Variants in TAF4B observed in about 807,000 individuals in gnomAD.
TAF4B encodes the protein transcription initiation factor TFIID subunit 4B.
Under a neutral mutation model 86.4 loss-of-function variants are expected in TAF4B, and 38 were observed. The ratio of observed to expected loss-of-function variants is 0.44; its 90% CI spans 0.34 to 0.58. TAF4B has a LOEUF of 0.58. TAF4B is among the 20% of genes least tolerant of loss of function. The pLI is 0.02. For synonymous variants in TAF4B, 388 were observed against 391.2 expected, an observed-to-expected ratio of 0.99 and a Z score of 0.10; for missense variants, 988 against 1,027.6, an observed-to-expected ratio of 0.96 and a Z score of 0.53.
At chr18:26,373,436 C>G (rs577323390) in intron 14 of TAF4B, among the ~76,000 whole-genome samples, 24 of 152,096 alleles carry the variant, frequency 1.6e-4, no homozygotes, top group Non-Finnish European at 3.4e-4. Flanking sequence ...TAGTTCCTGC[C>G]TTCCTCTTTA....
In TAF4B at chr18:26,295,124, T is replaced by C. The variant is rs150076300; in HGVS notation, c.1832+1593T>C. Reference sequence around the variant, plus strand: ...TTTAACTGCATAATTTATATATATATTTCAATATAATATTTGTATAAAATT... The same window carrying C: ...TTTAACTGCATAATTTATATATATACTTCAATATAATATTTGTATAAAATT... On this transcript the variant is annotated intron_variant, in intron 9 of 14. Coordinates refer to ENST00000269142, the MANE Select transcript of TAF4B (RefSeq NM_005640.3). 302 of 233,546 alleles carry C rather than the reference T, an allele frequency of 1.3e-3. 1 individual carries two copies. Among genetic ancestry groups the C allele is most frequent in the African/African-American group, 6.9e-3 (293 of 42,618 alleles). The allele number at this position is 233,546 out of a possible 1,614,324, so 14.5% of individuals were successfully genotyped here.
intron 3 of TAF4B, among the ~76,000 whole-genome samples, chr18:26,271,443 T>G (rs2144556167): frequency 6.6e-6 from 1 of 152,358 alleles, no homozygotes; most frequent in African/African-American, 2.4e-5. Flanking sequence ...TTTCATCTTC[T>G]AAATTTCCAT....
At chr18:26,229,494 C>CTTT (rs34261854) in intron 1 of TAF4B, among the ~76,000 whole-genome samples, 465 of 129,116 alleles carry the variant, frequency 3.6e-3, no homozygotes, top group Non-Finnish European at 5.2e-3. Flanking sequence ...TTCTTTCTTT[C>CTTT]TTTTTTTTTT....
rs145508177 is a variant in TAF4B, at chr18:26,382,986, A to G, written c.2422-6859A>G. On this transcript the variant is annotated intron_variant, in intron 14 of 14. Coordinates refer to ENST00000269142, the MANE Select transcript of TAF4B (RefSeq NM_005640.3). ...CCAAAAGAACTTAGATGATGTGGCAATAAGGATAGGATCAGTGGAGTTCAG... is the reference window on the plus strand; with the variant it reads ...CCAAAAGAACTTAGATGATGTGGCAGTAAGGATAGGATCAGTGGAGTTCAG... 3.0e-3 allele frequency among the ~76,000 whole-genome samples: 456 copies of G among 152,322 alleles called. 3 individuals carry two copies. Among genetic ancestry groups the G allele is most frequent in the Non-Finnish European group, 5.0e-3 (338 of 68,006 alleles).
chr18:26,248,805 G>A (rs1379672479), intron 1 of TAF4B, among the ~76,000 whole-genome samples: 10 of 103,366 alleles, frequency 9.7e-5, no homozygotes, highest in African/African-American at 3.3e-4. Flanking sequence ...GATTACAGGC[G>A]TGAGCGACTG....
chr18:26,349,860 T>TA (rs2057230235), intron 13 of TAF4B, among the ~76,000 whole-genome samples: 2 of 152,184 alleles, frequency 1.3e-5, no homozygotes, highest in South Asian at 4.2e-4. Context: ...AACAAAAACA[T>TA]AAACATAGAC....
At chr18:26,356,844 A>G (rs1248574093) in intron 13 of TAF4B, among the ~76,000 whole-genome samples, 1 of 149,826 alleles carries the variant, frequency 6.7e-6, no homozygotes, top group East Asian at 1.9e-4. Flanking sequence ...AGTTGCCTCA[A>G]TGAAATAATG....
In TAF4B at chr18:26,346,773, A is replaced by ATATATATG. The variant is rs1404902479; in HGVS notation, c.2317-10916_2317-10915insATATATGT. Among the ~76,000 whole-genome samples, 19 of 24,116 alleles carry ATATATATG rather than the reference A, an allele frequency of 7.9e-4. 8 individuals carry two copies. In the East Asian group the frequency reaches 0.014, roughly 18 times the overall value. The allele number at this position is 24,116 out of a possible 152,430, so 15.8% of individuals were successfully genotyped here. A position where few individuals can be genotyped will look rare whatever the true frequency, so the allele number is the denominator to read the frequency against. On this transcript the variant is annotated intron_variant, in intron 13 of 14. Coordinates refer to ENST00000269142, the MANE Select transcript of TAF4B (RefSeq NM_005640.3). ...TATATATGTGTGTATATATATATATATGTGTGTGTATATATATATATATAT... is the reference window on the plus strand; with the variant it reads ...TATATATGTGTGTATATATATATATATATATATGTGTGTGTGTATATATATATATATAT...
intron 9 of TAF4B, chr18:26,304,827 G>C (rs1053259460): frequency 1.0e-6 from 1 of 985,282 alleles, no homozygotes. Context: ...TTGCTCCTCA[G>C]TAAATCTAGT....
chr18:26,275,119 T>C, intron 5 of TAF4B, 66 bp downstream of exon 5: 1 of 1,454,644 alleles, frequency 6.9e-7, no homozygotes. Flanking sequence ...AATTGGGAAA[T>C]GCATATTTTT....
rs528727813 is a variant in TAF4B, at chr18:26,344,836, C to T, written c.2316+9605C>T. On this transcript the variant is annotated intron_variant, in intron 13 of 14. Coordinates refer to ENST00000269142, the MANE Select transcript of TAF4B (RefSeq NM_005640.3). ...GGAGTGTGGTTGGGGAATGGAGACA[C>T]ACCTATAAATGATTAGAAATCCAGG... 4.6e-5 allele frequency among the ~76,000 whole-genome samples: 7 copies of T among 152,232 alleles called. No homozygotes were observed. The South Asian group carries it at 8.3e-4, about 18-fold the overall frequency.
intron 13 of TAF4B, among the ~76,000 whole-genome samples, chr18:26,356,794 T>G (rs2057291772): frequency 9.5e-6 from 1 of 104,722 alleles, no homozygotes; most frequent in African/African-American, 5.1e-5. Context: ...ACTTGGTGTT[T>G]TTTTTTTTTT....
chr18:26,275,240 C>G (rs1424429553), intron 5 of TAF4B, among the ~76,000 whole-genome samples, 187 bp downstream of exon 5: 2 of 152,232 alleles, frequency 1.3e-5, no homozygotes, highest in Non-Finnish European at 2.9e-5. Flanking sequence ...ACTGCAACCT[C>G]TGCCTCCTGG....
At chr18:26,240,438 T>C (rs2055819353) in intron 1 of TAF4B, among the ~76,000 whole-genome samples, 1 of 152,232 alleles carries the variant, frequency 6.6e-6, no homozygotes, top group South Asian at 2.1e-4. Flanking sequence ...TGGTTTTGTA[T>C]CCTGAGACTT....
chr18:26,296,497 G>C (rs1285980264), intron 9 of TAF4B, among the ~76,000 whole-genome samples: 2 of 151,764 alleles, frequency 1.3e-5, no homozygotes, highest in Non-Finnish European at 2.9e-5. Context: ...GGTGGGGAGG[G>C]GTAGATGAGA....
Position 26,275,019 on chromosome 18 carries a change from G to A in TAF4B, c.848G>A (p.Gly283Glu). 1.2e-6 allele frequency: 2 copies of A among 1,611,260 alleles called. No individual in the cohort carries two copies. Among genetic ancestry groups the A allele is most frequent in the East Asian group, 4.5e-5 (2 of 44,828 alleles). The change falls in exon 5 of 15, where the codon GGG (glycine) becomes GAG (glutamate). Residue 283 changes from glycine (G) to glutamate (E), a missense_variant. Coordinates refer to ENST00000269142, the MANE Select transcript of TAF4B (RefSeq NM_005640.3). ...AGTGGATCACAGTCCCCAGAAATGGGGCAAAATGTGAAGAAGCTGGTGGAA... is the reference window on the plus strand; with the variant it reads ...AGTGGATCACAGTCCCCAGAAATGGAGCAAAATGTGAAGAAGCTGGTGGAA... ...ACSGSQSPEM[G>E]QNVKKLVEQL...
At chr18:26,300,466 GT>G (rs138242428) in intron 9 of TAF4B, among the ~76,000 whole-genome samples, 81,045 of 119,210 alleles carry the variant, frequency 0.68, 26,938 homozygotes, top group East Asian at 0.82. Context: ...TATAGGGTGT[GT>G]TTTTTTTTTT....
chr18:26,302,900 C>T (rs898015802), intron 9 of TAF4B, among the ~76,000 whole-genome samples: 1 of 151,804 alleles, frequency 6.6e-6, no homozygotes, highest in African/African-American at 2.4e-5. Context: ...AATAGTTAAT[C>T]TTTTTTATCT....
chr18:26,329,267 A>G (rs917542907), intron 12 of TAF4B, among the ~76,000 whole-genome samples: 4 of 151,942 alleles, frequency 2.6e-5, no homozygotes, highest in African/African-American at 9.7e-5. Context: ...ACAGTGTTCA[A>G]GCTAGTCTCA....
Sources: allele counts gnomAD v4.1 joint callset (sites outside exome capture counted in the v4.1 genomes callset), GRCh38; gene constraint gnomAD v4.1.1; transcripts MANE v1.5; gene names NCBI Gene and HGNC (gene_info 2026-07-23, HGNC 2026-07-21).